Variants in ARL15 observed in about 807,000 individuals in gnomAD.
ARL15 encodes ARF like GTPase 15.
In ARL15, 19 loss-of-function variants were observed where a neutral mutation model predicts 25.2. The ratio of observed to expected loss-of-function variants is 0.75; its 90% CI spans 0.53 to 1.10. The LOEUF (loss-of-function observed/expected upper bound fraction) is 1.10, where lower values mean the gene tolerates loss of function less well. ARL15 is among the 50% of genes least tolerant of loss of function. The pLI is 0.00. For missense variants in ARL15, 220 were observed against 246.0 expected, an observed-to-expected ratio of 0.89 and a Z score of 0.71; for synonymous variants, 94 against 86.8, an observed-to-expected ratio of 1.08 and a Z score of -0.46.
rs938262542 is a variant in ARL15, at chr5:54,310,568, A to T, written c.-89T>A. On this transcript the variant is annotated 5_prime_UTR_variant, in exon 1 of 5. Transcript: ENST00000504924. ...CGAGCGAGCAGCTCCTGAAAAAGCC[A>T]GCAACAGCGAAAATAGCCGAAAGCA... 6 of 1,434,662 alleles carry T rather than the reference A, an allele frequency of 4.2e-6. No individual in the cohort carries two copies. The Admixed American group carries it at 6.8e-5, about 16-fold the overall frequency. 88.9% of individuals were successfully genotyped at this position (1,434,662 alleles called of 1,614,324 possible).
chr5:54,042,249 G>A (rs1186725313), intron 4 of ARL15, among the ~76,000 whole-genome samples: 4 of 152,246 alleles, frequency 2.6e-5, no homozygotes, highest in African/African-American at 9.6e-5. Flanking sequence ...GATTACAGGC[G>A]TGAGCCACCG....
At chr5:54,225,972 C>T (rs941589031) in intron 1 of ARL15, among the ~76,000 whole-genome samples, 4 of 152,074 alleles carry the variant, frequency 2.6e-5, no homozygotes, top group African/African-American at 9.7e-5. Flanking sequence ...TTCCCAGGAG[C>T]AGTGAGGTTC....
chr5:54,138,067 A>G (rs1170524756), intron 3 of ARL15, among the ~76,000 whole-genome samples: 2 of 152,226 alleles, frequency 1.3e-5, no homozygotes, highest in African/African-American at 4.8e-5. Context: ...GAAACCTTTT[A>G]TAAAACCACT....
intron 4 of ARL15, among the ~76,000 whole-genome samples, chr5:53,914,137 C>CA (rs1745551429): frequency 5.4e-5 from 8 of 148,570 alleles, no homozygotes; most frequent in East Asian, 2.0e-4. Context: ...GTGCACAGGC[C>CA]CACACACACA....
At chr5:53,917,436 G>C (rs959684620) in intron 4 of ARL15, among the ~76,000 whole-genome samples, 10 of 152,038 alleles carry the variant, frequency 6.6e-5, no homozygotes, top group Admixed American at 6.5e-4. Flanking sequence ...AATTGAGAAT[G>C]TTCCCTCAAT....
chr5:54,041,786 T>A (rs561818927), intron 4 of ARL15, among the ~76,000 whole-genome samples: 1 of 152,102 alleles, frequency 6.6e-6, no homozygotes, highest in Non-Finnish European at 1.5e-5. Context: ...CAATCTGAAA[T>A]TGACGCCCCA....
chr5:54,129,636 G>A (rs867538501), intron 3 of ARL15, among the ~76,000 whole-genome samples: 5 of 152,168 alleles, frequency 3.3e-5, no homozygotes, highest in Non-Finnish European at 7.3e-5. Context: ...GGTTTCTGAT[G>A]TCCATCAAAT....
At chr5:53,904,807 C>T (rs957835771) in intron 4 of ARL15, among the ~76,000 whole-genome samples, 6 of 145,360 alleles carry the variant, frequency 4.1e-5, no homozygotes, top group African/African-American at 1.0e-4. Flanking sequence ...CGGCTTACTG[C>T]AGCCTCTGCC....
chr5:54,219,579 G>A (rs1163338765), intron 1 of ARL15, among the ~76,000 whole-genome samples: 2 of 152,082 alleles, frequency 1.3e-5, no homozygotes, highest in Non-Finnish European at 1.5e-5. Flanking sequence ...AGTTATTTGG[G>A]AACTTTTTTT....
chr5:54,204,316 C>T (rs369082406), intron 1 of ARL15, among the ~76,000 whole-genome samples: 1 of 152,182 alleles, frequency 6.6e-6, no homozygotes, highest in African/African-American at 2.4e-5. Flanking sequence ...ATTCTATTTG[C>T]TGTAATTCCC....
At chr5:54,054,999 A>G (rs1750819024) in intron 4 of ARL15, among the ~76,000 whole-genome samples, 1 of 152,176 alleles carries the variant, frequency 6.6e-6, no homozygotes, top group Admixed American at 6.5e-5. Context: ...TTGTGATACA[A>G]TTCACATACC....
intron 4 of ARL15, among the ~76,000 whole-genome samples, chr5:53,909,089 A>C (rs1375155486): frequency 6.6e-6 from 1 of 152,232 alleles, no homozygotes; most frequent in Non-Finnish European, 1.5e-5. Context: ...CAGAGCAAAC[A>C]AACAAGTACA....
chr5:54,201,140 A>C (rs1168985452), intron 1 of ARL15, among the ~76,000 whole-genome samples: 1 of 152,058 alleles, frequency 6.6e-6, no homozygotes, highest in Non-Finnish European at 1.5e-5. Context: ...CAGAGAGAAG[A>C]CCAGAGCGCA....
chr5:53,922,647 G>A (rs1046632680), intron 4 of ARL15, among the ~76,000 whole-genome samples: 20 of 152,190 alleles, frequency 1.3e-4, no homozygotes, highest in African/African-American at 4.6e-4. Flanking sequence ...AGGTCCCAGC[G>A]GGGAGGAAAC....
chr5:54,081,921 G>A (rs1489173706), intron 4 of ARL15, among the ~76,000 whole-genome samples: 7 of 151,222 alleles, frequency 4.6e-5, no homozygotes, highest in African/African-American at 9.7e-5. Context: ...GCGAAACCCC[G>A]TCTCTACTAA....
intron 4 of ARL15, among the ~76,000 whole-genome samples, chr5:54,020,921 C>A (rs1471602284): frequency 6.6e-6 from 1 of 151,974 alleles, no homozygotes. Context: ...CACCATTGCA[C>A]TCCAGCCTGG....
At chr5:54,264,210 A>T (rs1369648539) in intron 1 of ARL15, among the ~76,000 whole-genome samples, 1 of 151,472 alleles carries the variant, frequency 6.6e-6, no homozygotes, top group African/African-American at 2.4e-5. Context: ...TCCCTAAAAA[A>T]CCCCCATATG....
intron 4 of ARL15, chr5:54,048,392 A>C (rs910923248): frequency 7.1e-5 from 9 of 126,858 alleles, no homozygotes; most frequent in African/African-American, 2.8e-4. Context: ...ATATATATAA[A>C]TTATATATAT....
chr5:54,299,629 C>T (rs1302982019), intron 1 of ARL15, among the ~76,000 whole-genome samples: 3 of 108,888 alleles, frequency 2.8e-5, no homozygotes, highest in Admixed American at 1.5e-4. Context: ...CTCGCTCTGT[C>T]GCCAGGCTGG....
Sources: allele counts gnomAD v4.1 joint callset (sites outside exome capture counted in the v4.1 genomes callset), GRCh38; gene constraint gnomAD v4.1.1; transcripts MANE v1.5; gene names NCBI Gene and HGNC (gene_info 2026-07-23, HGNC 2026-07-21).